Variants in DLG1 observed in about 807,000 individuals in gnomAD.
DLG1 encodes discs large MAGUK scaffold protein 1.
In DLG1, 42 loss-of-function variants were observed where a neutral mutation model predicts 123.4. The ratio of observed to expected loss-of-function variants is 0.34; its 90% CI spans 0.27 to 0.44. DLG1 has a LOEUF of 0.44. DLG1 is among the 20% of genes least tolerant of loss of function. The pLI is 1.00. For missense variants in DLG1, 942 were observed against 1,082.6 expected (o/e 0.87, Z 1.82); for synonymous variants, 317 against 356.2 (o/e 0.89, Z 1.24).
chr3:197,136,500 A>C (rs746655809), intron 10 of DLG1, 42 bp downstream of exon 10: 2 of 1,537,942 alleles, frequency 1.3e-6, no homozygotes, highest in Non-Finnish European at 1.8e-6. Flanking sequence ...AAATAAACAG[A>C]CTACAAAATG....
chr3:197,088,119 AT>A (rs1755489845), intron 15 of DLG1, among the ~76,000 whole-genome samples: 1 of 152,154 alleles, frequency 6.6e-6, no homozygotes, highest in South Asian at 2.1e-4. Flanking sequence ...GAGCCAATTT[AT>A]CCCCCCCTTT....
Position 197,044,614 on chromosome 3 carries a change from C to T in DLG1, c.*9G>A. 6.4e-7 allele frequency: 1 copy of T among 1,571,924 alleles called. No homozygotes were observed. On this transcript the variant is annotated 3_prime_UTR_variant, in exon 25 of 25. Transcript: ENST00000667157. ...ATTGTGGAAAAGAGAAACAGAGAAA[C>T]ATGAGTTTTCATAGCTTTTCTTTTG... is the stretch of plus-strand genomic sequence containing the variant.
chr3:197,225,694 C>T (rs1022629537), intron 4 of DLG1, among the ~76,000 whole-genome samples: 3 of 152,344 alleles, frequency 2.0e-5, no homozygotes, highest in East Asian at 3.9e-4. Flanking sequence ...TATATCTTAA[C>T]TGTGCACAGA....
rs1276688202 is a variant in DLG1 at position 197,043,216 on chromosome 3, C to G, written c.*1407G>C. The stretch of plus-strand genomic sequence containing the variant: ...TCTAGTGCAGAGCAGTGGATGAAAG[C>G]TGTCTGAGGGGAAAACACACACATA... On this transcript the variant is annotated 3_prime_UTR_variant, in exon 25 of 25. Transcript: ENST00000667157. 3 of 148,260 alleles carry G rather than the reference C, an allele frequency of 2.0e-5. No individual in the cohort carries two copies. The highest frequency in any genetic ancestry group is 3.1e-5 in the Non-Finnish European group (2 of 65,004). 9.2% of individuals were successfully genotyped at this position (148,260 alleles called of 1,614,324 possible). A position where few individuals can be genotyped will look rare whatever the true frequency, so the allele number is the denominator to read the frequency against.
intron 2 of DLG1, chr3:197,296,956 G>GGA: frequency 1.8e-6 from 1 of 551,730 alleles, no homozygotes; most frequent in Non-Finnish European, 3.2e-6. Flanking sequence ...CATCTGTTGG[G>GGA]GGGGGGCTAA....
intron 23 of DLG1, among the ~76,000 whole-genome samples, chr3:197,052,974 AT>A (rs1448222360): frequency 6.6e-6 from 1 of 152,252 alleles, no homozygotes; most frequent in East Asian, 1.9e-4. Flanking sequence ...TATTTTAAGT[AT>A]GATAATCAGT....
intron 13 of DLG1, among the ~76,000 whole-genome samples, chr3:197,113,364 A>C (rs1347133983): frequency 6.6e-6 from 1 of 152,182 alleles, no homozygotes; most frequent in Non-Finnish European, 1.5e-5. Context: ...AGGGCATTTA[A>C]ATCTCCAAAT....
intron 13 of DLG1, 61 bp from the exon 14 acceptor site, chr3:197,105,066 T>C (rs1458656544): frequency 2.7e-6 from 3 of 1,091,680 alleles, no homozygotes; most frequent in Non-Finnish European, 4.0e-6. Flanking sequence ...GAAATCACAA[T>C]AGTCTATTCT....
intron 14 of DLG1, among the ~76,000 whole-genome samples, 153 bp from the exon 15 acceptor site, chr3:197,091,179 A>G (rs781746647): frequency 6.6e-6 from 1 of 152,062 alleles, no homozygotes; most frequent in African/African-American, 2.4e-5. Flanking sequence ...CAACACATAA[A>G]TTTCAAAAAA....
chr3:197,294,275 A>G (rs6782876), intron 3 of DLG1, among the ~76,000 whole-genome samples: 36,880 of 152,110 alleles, frequency 0.24, 5,649 homozygotes, highest in East Asian at 0.71. Context: ...AACATTAAAT[A>G]TAAGTAAATT....
chr3:197,192,065 T>C (rs1300691553), intron 5 of DLG1, among the ~76,000 whole-genome samples: 6 of 150,734 alleles, frequency 4.0e-5, no homozygotes, highest in African/African-American at 1.2e-4. Context: ...ACCCAGCTAC[T>C]TGGGAGGCAG....
Position 197,086,627 on chromosome 3 carries a change from T to C in DLG1, c.1662-871A>G, listed in dbSNP as rs369904796. Among the ~76,000 whole-genome samples, 42 of 152,338 alleles carry C rather than the reference T, an allele frequency of 2.8e-4. No individual in the cohort carries two copies. In the South Asian group the frequency reaches 8.5e-3, roughly 31 times the overall value. On this transcript the variant is annotated intron_variant, in intron 15 of 24. Coordinates refer to ENST00000667157, the MANE Select transcript of DLG1 (RefSeq NM_001366207.1). ...TAAAACTCAAGAGGGGTGGAATTAC[T>C]TGATGGCTAAATAAATAAACTAGTA...
intron 3 of DLG1, among the ~76,000 whole-genome samples, chr3:197,288,732 AAAAAAAAAAAAATACATACATAC>A (rs1175815081): frequency 4.1e-5 from 5 of 122,152 alleles, no homozygotes; most frequent in Admixed American, 1.8e-4. Flanking sequence ...AAAAAAAAAA[AAAAAAAAAAAAATACATACATAC>A]ATACATACAT....
intron 1 of DLG1, chr3:197,298,183 T>G: frequency 2.1e-5 from 5 of 242,158 alleles, no homozygotes; most frequent in East Asian, 7.7e-5. Context: ...TCTCAGCCAA[T>G]GGGAAGTGAG....
chr3:197,252,054 A>G (rs1053935903), intron 4 of DLG1, among the ~76,000 whole-genome samples: 1 of 152,038 alleles, frequency 6.6e-6, no homozygotes, highest in Non-Finnish European at 1.5e-5. Context: ...CCTCTTTTAT[A>G]GTTCTTGTTC....
At chr3:197,180,831 C>G (rs1021913759) in intron 5 of DLG1, among the ~76,000 whole-genome samples, 1 of 151,968 alleles carries the variant, frequency 6.6e-6, no homozygotes, top group African/African-American at 2.4e-5. Flanking sequence ...AATACAGGTA[C>G]TGAAGAGGTA....
chr3:197,222,112 CCA>C (rs1041011139), intron 4 of DLG1, among the ~76,000 whole-genome samples: 5 of 152,286 alleles, frequency 3.3e-5, no homozygotes, highest in African/African-American at 1.2e-4. Context: ...GAATTCTGAT[CCA>C]CAGTCGGTTG....
chr3:197,271,932 C>T (rs574783013), intron 4 of DLG1, among the ~76,000 whole-genome samples: 18 of 152,250 alleles, frequency 1.2e-4, no homozygotes, highest in Non-Finnish European at 1.6e-4. Flanking sequence ...CCAGAGGATA[C>T]GAGCCACCTA....
chr3:197,070,821 C>T (rs953964666), intron 18 of DLG1: 1 of 151,972 alleles, frequency 6.6e-6, no homozygotes, highest in African/African-American at 2.4e-5. Flanking sequence ...ATCTGTCTGC[C>T]TTGGCCTCCC....
Sources: gnomAD v4.1 joint callset for allele counts (sites outside exome capture counted in the v4.1 genomes callset) on GRCh38, gnomAD v4.1.1 for gene constraint, MANE v1.5 for transcripts, NCBI Gene and HGNC (gene_info 2026-07-23, HGNC 2026-07-21) for gene names.